DLGAP1: variants seen among roughly 807,000 people sequenced by gnomAD.
DLGAP1 encodes the protein DLG associated protein 1, also known as disks large-associated protein 1.
A neutral mutation model predicts 90.8 loss-of-function variants in DLGAP1; 11 were observed. That is an observed-to-expected ratio of 0.12 (90% CI 0.08 to 0.20). The LOEUF is 0.20. Among genes scored for constraint, DLGAP1 ranks in the 10% least tolerant of loss-of-function variants. DLGAP1 has a pLI of 1.00. For synonymous variants in DLGAP1, 558 were observed against 540.7 expected (o/e 1.03, Z -0.44); for missense variants, 1,050 against 1,333.8 (o/e 0.79, Z 3.31).
chr18:4,114,685 T>C (rs1234954812), intron 2 of DLGAP1, among the ~76,000 whole-genome samples: 1 of 152,128 alleles, frequency 6.6e-6, no homozygotes, highest in African/African-American at 2.4e-5. Flanking sequence ...ATTAACCCTG[T>C]TATCTTTATG....
chr18:4,357,207 G>A (rs1598275397), intron 1 of DLGAP1, among the ~76,000 whole-genome samples: 1 of 136,960 alleles, frequency 7.3e-6, no homozygotes, highest in Non-Finnish European at 1.5e-5. Flanking sequence ...AGGCTAGAGT[G>A]CAGTAGCACC....
chr18:4,180,575 G>C (rs1677183618), intron 1 of DLGAP1, among the ~76,000 whole-genome samples: 1 of 152,114 alleles, frequency 6.6e-6, no homozygotes, highest in South Asian at 2.1e-4. Context: ...GATGTTGAAG[G>C]TTTTTAAAAA....
intron 5 of DLGAP1, among the ~76,000 whole-genome samples, chr18:3,782,391 C>A (rs1386004727): frequency 1.3e-5 from 2 of 152,222 alleles, no homozygotes; most frequent in African/African-American, 2.4e-5. Context: ...CCTGTCTTGG[C>A]CTCCCAAAGT....
chr18:4,084,876 C>T lies in DLGAP1; in HGVS notation c.-159+66304G>A, dbSNP rs2075659394. ...CTAGGAAGAGTGAAGGAAAGCCTTT[C>T]CTCCCCTACATTTTATTCTGTTTAA... is the stretch of plus-strand genomic sequence containing the variant. On this transcript the variant is annotated intron_variant, in intron 2 of 12. Coordinates refer to ENST00000315677, the MANE Select transcript of DLGAP1 (RefSeq NM_004746.4). The surrounding 1 kb of genome is among the most constrained non-coding windows in gnomAD (Gnocchi z 4.0). Among the ~76,000 whole-genome samples, 1 of 152,116 alleles carries T rather than the reference C, an allele frequency of 6.6e-6. No homozygotes were observed. Among genetic ancestry groups the T allele is most frequent in the African/African-American group, 2.4e-5 (1 of 41,434 alleles).
chr18:3,691,311 C>G (rs1171604040), intron 7 of DLGAP1, among the ~76,000 whole-genome samples: 1 of 152,022 alleles, frequency 6.6e-6, no homozygotes. Context: ...ATCTGTAATC[C>G]TAGCTACTGG....
chr18:4,026,517 G>A (rs895358992), intron 2 of DLGAP1, among the ~76,000 whole-genome samples: 1 of 151,978 alleles, frequency 6.6e-6, no homozygotes, highest in Non-Finnish European at 1.5e-5. Flanking sequence ...TGTTACCAAA[G>A]GGTGAAAAAA....
intron 7 of DLGAP1, among the ~76,000 whole-genome samples, chr18:3,600,525 C>G (rs553287886): frequency 6.6e-6 from 1 of 151,862 alleles, no homozygotes; most frequent in Admixed American, 6.6e-5. Context: ...CATGAGCCAC[C>G]GTGCCTGGCC....
At chr18:4,233,264 T>C (rs908109858) in intron 1 of DLGAP1, among the ~76,000 whole-genome samples, 1 of 152,176 alleles carries the variant, frequency 6.6e-6, no homozygotes, top group African/African-American at 2.4e-5. Flanking sequence ...AGAAAACAGA[T>C]TGAAGTTTGT....
At chr18:4,411,352 G>GA (rs1434645468) in intron 1 of DLGAP1, among the ~76,000 whole-genome samples, 1 of 152,144 alleles carries the variant, frequency 6.6e-6, no homozygotes, top group African/African-American at 2.4e-5. Flanking sequence ...TTTAATGGCA[G>GA]AAAATACACT....
At position 4,060,789 on chromosome 18, in the gene DLGAP1, C is replaced by T. The variant is rs192259983; in HGVS notation, c.-158-55588G>A. Among the ~76,000 whole-genome samples the T allele has an allele frequency of 5.3e-5, 8 of 151,912 alleles. No individual in the cohort carries two copies. In the South Asian group the frequency reaches 1.2e-3, roughly 24 times the overall value. On this transcript the variant is annotated intron_variant, in intron 2 of 12. Transcript: ENST00000315677. ...GGATCTTGTATGGTAAATTCTTGTCCTAAAGCAAAATGACTGGTTATTTGA... is the reference window on the plus strand; with the variant it reads ...GGATCTTGTATGGTAAATTCTTGTCTTAAAGCAAAATGACTGGTTATTTGA...
In DLGAP1 at chr18:4,040,784, C is replaced by G. The variant is rs151326888; in HGVS notation, c.-158-35583G>C. On this transcript the variant is annotated intron_variant, in intron 2 of 12. Coordinates refer to ENST00000315677, the MANE Select transcript of DLGAP1 (RefSeq NM_004746.4). ...CAAGCATAGGACTAGAATCTCAAAG[C>G]AGGCTTGGGGTTTCAGCATTGTGTT... 6.4e-4 allele frequency among the ~76,000 whole-genome samples: 97 copies of G among 152,310 alleles called. 1 individual carries two copies. In the Middle Eastern group the frequency reaches 0.01, roughly 16 times the overall value.
chr18:3,751,584 A>C (rs1429732460), intron 5 of DLGAP1, among the ~76,000 whole-genome samples: 3 of 126,462 alleles, frequency 2.4e-5, no homozygotes, highest in South Asian at 2.5e-4. Context: ...TTTGAGACGG[A>C]GTCTCACTCT....
intron 4 of DLGAP1, among the ~76,000 whole-genome samples, chr18:3,830,541 G>C (rs1410693023): frequency 2.6e-5 from 4 of 152,194 alleles, no homozygotes; most frequent in African/African-American, 7.2e-5. Context: ...ACTCCAGCCT[G>C]GGAACCAGGG....
intron 5 of DLGAP1, among the ~76,000 whole-genome samples, chr18:3,797,182 A>C (rs574703580): frequency 6.6e-6 from 1 of 152,274 alleles, no homozygotes; most frequent in African/African-American, 2.4e-5. Context: ...AATACAAAAA[A>C]TTAGCTGGGC....
At chr18:3,965,940 CAAA>C (rs544643910) in intron 3 of DLGAP1, among the ~76,000 whole-genome samples, 37 of 100,556 alleles carry the variant, frequency 3.7e-4, no homozygotes, top group Middle Eastern at 7.6e-3. Context: ...GACTCCATGT[CAAA>C]AAAAAAAAAA....
rs372714541 is a variant in DLGAP1, at chr18:3,880,103, C to T, written c.-35G>A. Reference sequence around the variant, plus strand: ...GAAGCAGCCGCCAGGGTCATGGACACCCGGAAGTCAGGCTCCAGACCCGTC... The same window carrying T: ...GAAGCAGCCGCCAGGGTCATGGACATCCGGAAGTCAGGCTCCAGACCCGTC... On this transcript the variant is annotated 5_prime_UTR_variant, in exon 4 of 13. The change creates a new upstream start codon in the 5' untranslated region. Transcript: ENST00000315677. 22 of 1,587,664 alleles carry T rather than the reference C, an allele frequency of 1.4e-5. No individual in the cohort carries two copies. The African/African-American group carries it at 2.5e-4, about 18-fold the overall frequency.
chr18:3,597,156 C>T (rs1017625105), intron 7 of DLGAP1: 3 of 519,628 alleles, frequency 5.8e-6, no homozygotes, highest in Middle Eastern at 3.2e-4. Context: ...TTTTTCTGTA[C>T]TCTGTCTGTT....
At chr18:4,130,318 A>C (rs1056323562) in intron 2 of DLGAP1, among the ~76,000 whole-genome samples, 1 of 152,188 alleles carries the variant, frequency 6.6e-6, no homozygotes, top group African/African-American at 2.4e-5. Flanking sequence ...AAGTGAAGAA[A>C]GAAAGGAACA....
At chr18:3,896,272 G>A (rs1362814591) in intron 3 of DLGAP1, 1 of 152,188 alleles carries the variant, frequency 6.6e-6, no homozygotes, top group Non-Finnish European at 1.5e-5. Flanking sequence ...TGCTATTCCT[G>A]CTCCTCAATA....
Sources: allele counts gnomAD v4.1 joint callset (sites outside exome capture counted in the v4.1 genomes callset), GRCh38; gene constraint gnomAD v4.1.1; non-coding constraint Gnocchi (gnomAD v3.1); transcripts MANE v1.5; gene names NCBI Gene and HGNC (gene_info 2026-07-23, HGNC 2026-07-21).